The following SLC30A10 variants were observed in gnomAD, a reference collection of about 807,000 sequenced individuals.
The protein encoded by SLC30A10 is calcium/manganese antiporter SLC30A10.
In SLC30A10, 8 loss-of-function variants were observed where a neutral mutation model predicts 21.7. The observed-to-expected ratio is 0.37, with a 90% CI of 0.22 to 0.67. The LOEUF (loss-of-function observed/expected upper bound fraction) is 0.67, where lower values mean the gene tolerates loss of function less well. Among genes scored for constraint, SLC30A10 ranks in the 30% least tolerant of loss-of-function variants. SLC30A10 has a pLI of 0.58. For missense variants in SLC30A10, 521 were observed against 642.5 expected, an observed-to-expected ratio of 0.81 and a Z score of 2.04; for synonymous variants, 272 against 279.4, an observed-to-expected ratio of 0.97 and a Z score of 0.26.
At chr1:219,926,283 A>C (rs1478885740) in intron 2 of SLC30A10, among the ~76,000 whole-genome samples, 1 of 152,192 alleles carries the variant, frequency 6.6e-6, no homozygotes, top group Non-Finnish European at 1.5e-5. Context: ...GCTTTCCCCA[A>C]ACCACAGGAA....
intron 1 of SLC30A10, among the ~76,000 whole-genome samples, chr1:219,939,422 CT>C (rs1219252828): frequency 1.3e-5 from 2 of 151,664 alleles, no homozygotes. Context: ...TCATGGGTTT[CT>C]TTTTTTTCCT....
chr1:219,945,624 G>T (rs1162869419), intron 1 of SLC30A10, among the ~76,000 whole-genome samples: 13 of 152,172 alleles, frequency 8.5e-5, no homozygotes, highest in Non-Finnish European at 1.6e-4. Flanking sequence ...TATCTAATTA[G>T]CATTGCAGAA....
intron 1 of SLC30A10, among the ~76,000 whole-genome samples, chr1:219,957,242 C>G (rs900190663): frequency 2.0e-5 from 3 of 152,004 alleles, no homozygotes; most frequent in African/African-American, 4.8e-5. Flanking sequence ...TTATGTTTAC[C>G]ACATCCTACA....
intron 2 of SLC30A10, among the ~76,000 whole-genome samples, chr1:219,925,916 C>T (rs1467844077): frequency 1.3e-5 from 2 of 151,760 alleles, no homozygotes; most frequent in Non-Finnish European, 2.9e-5. Flanking sequence ...CCACCTCAGC[C>T]TCCCAAAGTG....
Position 219,952,570 on chromosome 1 carries a change from GT to G in SLC30A10, n.80+5997del, listed in dbSNP as rs1476327791. Reference sequence around the variant, plus strand: ...CCTACTATTAACTAGCTGTATGATTGTGGAATTTGTCTGAACCTGTTTTCCT... The same window carrying G: ...CCTACTATTAACTAGCTGTATGATTGGGAATTTGTCTGAACCTGTTTTCCT... On this transcript the variant is annotated intron_variant and non_coding_transcript_variant, in intron 1 of 8. Coordinates refer to the SLC30A10 transcript ENST00000484239. 4.7e-4 allele frequency among the ~76,000 whole-genome samples: 19 copies of G among 40,576 alleles called. No individual in the cohort carries two copies. In the African/African-American group the frequency reaches 6.3e-3, roughly 13 times the overall value. The allele number at this position is 40,576 out of a possible 152,430, so 26.6% of individuals were successfully genotyped here.
rs908206168 is a variant in SLC30A10, at chr1:219,918,546, G to A, written c.719-52C>T. 1.3e-6 allele frequency: 2 copies of A among 1,524,480 alleles called. No individual in the cohort carries two copies. The highest frequency in any genetic ancestry group is 2.1e-5 in the Admixed American group (1 of 47,036). 94.4% of individuals were successfully genotyped at this position (1,524,480 alleles called of 1,614,324 possible). A position where few individuals can be genotyped will look rare whatever the true frequency, so the allele number is the denominator to read the frequency against. On this transcript the variant is annotated intron_variant, in intron 2 of 3. Coordinates refer to ENST00000366926, the MANE Select transcript of SLC30A10 (RefSeq NM_018713.3). This position sits in a 1 kb window ranked among gnomAD's most constrained non-coding sequence, Gnocchi z 4.4. ...ACAGATGCAAATCTGGAAGCCACGT[G>A]ACACTCACTGACTTGGGTGTCCGGG...
chr1:219,957,290 C>T (rs886272941), intron 1 of SLC30A10, among the ~76,000 whole-genome samples: 2 of 152,008 alleles, frequency 1.3e-5, no homozygotes, highest in Admixed American at 1.3e-4. Context: ...ACAGGAAAAT[C>T]GACACAGAGG....
chr1:219,941,656 C>G (rs1391373172), intron 1 of SLC30A10, among the ~76,000 whole-genome samples: 1 of 149,814 alleles, frequency 6.7e-6, no homozygotes, highest in Non-Finnish European at 1.5e-5. Flanking sequence ...TTCTCTCCCT[C>G]CCTCCTTTCC....
chr1:219,947,288 C>T (rs1044686919), intron 1 of SLC30A10, among the ~76,000 whole-genome samples: 16 of 152,038 alleles, frequency 1.1e-4, no homozygotes, highest in Middle Eastern at 3.2e-3. Flanking sequence ...TAGGATTTTG[C>T]GAGGCCAAGG....
chr1:219,949,753 TAATAA>T (rs915738125), intron 1 of SLC30A10, among the ~76,000 whole-genome samples: 14 of 150,438 alleles, frequency 9.3e-5, no homozygotes, highest in Middle Eastern at 3.4e-3. Context: ...AGTATAATAA[TAATAA>T]AATAAAATAA....
At chr1:219,927,182 A>ACAAAACTTTATTTTG in intron 1 of SLC30A10, 77 bp from the exon 2 acceptor site, 1 of 1,473,460 alleles carries the variant, frequency 6.8e-7, no homozygotes, top group Non-Finnish European at 9.4e-7. Context: ...ACTCAAAATA[A>ACAAAACTTTATTTTG]AGTTTTGTTA....
intron 3 of SLC30A10, among the ~76,000 whole-genome samples, chr1:219,916,570 A>G (rs954997214): frequency 1.3e-5 from 2 of 152,256 alleles, no homozygotes; most frequent in Non-Finnish European, 2.9e-5. Flanking sequence ...CTTTCTTTTT[A>G]CACCGCATAT....
At chr1:219,948,389 GC>G (rs1398531886) in intron 1 of SLC30A10, among the ~76,000 whole-genome samples, 8 of 151,966 alleles carry the variant, frequency 5.3e-5, no homozygotes, top group African/African-American at 1.9e-4. Context: ...AACCAAAACA[GC>G]ATGGTACTGG....
intron 2 of SLC30A10, among the ~76,000 whole-genome samples, chr1:219,925,651 A>ATAT (rs1317554458): frequency 2.1e-5 from 1 of 48,284 alleles, no homozygotes; most frequent in African/African-American, 1.2e-4. Context: ...ATATATATAT[A>ATAT]TTTTTTTTTT....
rs1203867408 is a variant in SLC30A10, at chr1:219,949,670, C to T, written n.80+8898G>A. Among the ~76,000 whole-genome samples the T allele has an allele frequency of 3.3e-5, 5 of 151,838 alleles. No individual in the cohort carries two copies. In the South Asian group the frequency reaches 1.0e-3, roughly 32 times the overall value. On this transcript the variant is annotated intron_variant and non_coding_transcript_variant, in intron 1 of 8. Transcript: ENST00000484239. ...ATGCTAGATGACGAGTTAATGGGTG[C>T]AGCACACCAGCACGACACATGTATA...
chr1:219,947,645 T>C (rs558455753), intron 1 of SLC30A10, among the ~76,000 whole-genome samples: 7 of 152,066 alleles, frequency 4.6e-5, no homozygotes, highest in Non-Finnish European at 1.0e-4. Context: ...CTCCAGATAT[T>C]ATTGCCTCTC....
chr1:219,950,969 C>T (rs1445653304), intron 1 of SLC30A10, among the ~76,000 whole-genome samples: 1 of 152,116 alleles, frequency 6.6e-6, no homozygotes, highest in Non-Finnish European at 1.5e-5. Flanking sequence ...AAATAAAACA[C>T]ACCATGAAGG....
At chr1:219,917,797 G>A (rs187778615) in intron 3 of SLC30A10, among the ~76,000 whole-genome samples, 77 of 134,218 alleles carry the variant, frequency 5.7e-4, no homozygotes, top group African/African-American at 2.1e-3. Flanking sequence ...TGCAACCTCC[G>A]CCTCCCGGGT....
chr1:219,918,129 T>C lies in SLC30A10; in HGVS notation c.958+126A>G. 2 of 1,258,724 alleles carry C rather than the reference T, an allele frequency of 1.6e-6. No individual in the cohort carries two copies. The highest frequency in any genetic ancestry group is 1.1e-6 in the Non-Finnish European group (1 of 898,190). 78.0% of individuals were successfully genotyped at this position (1,258,724 alleles called of 1,614,324 possible). A position where few individuals can be genotyped will look rare whatever the true frequency, so the allele number is the denominator to read the frequency against. On this transcript the variant is annotated intron_variant, in intron 3 of 3. Coordinates refer to ENST00000366926, the MANE Select transcript of SLC30A10 (RefSeq NM_018713.3). The surrounding 1 kb of genome is among the most constrained non-coding windows in gnomAD (Gnocchi z 4.4). ...GCTATAAAACATATGATGACATCTCTACCACCTGGTGATTTAAGGTGTTTC... is the reference window on the plus strand; with the variant it reads ...GCTATAAAACATATGATGACATCTCCACCACCTGGTGATTTAAGGTGTTTC...
Sources: gnomAD v4.1 joint callset for allele counts (sites outside exome capture counted in the v4.1 genomes callset) on GRCh38, gnomAD v4.1.1 for gene constraint, Gnocchi (gnomAD v3.1) non-coding constraint, MANE v1.5 for transcripts, NCBI Gene and HGNC (gene_info 2026-07-23, HGNC 2026-07-21) for gene names.